Variants in NR6A1 observed in about 807,000 individuals in gnomAD.
NR6A1 encodes retinoic acid receptor-related testis-associated receptor.
A neutral mutation model predicts 59.1 loss-of-function variants in NR6A1; 7 were observed. The observed-to-expected ratio is 0.12, with a 90% CI of 0.07 to 0.22. The LOEUF is 0.22. Ranked by LOEUF, NR6A1 falls within the 10% of genes least tolerant of loss-of-function variation. The pLI, the probability that NR6A1 is intolerant of heterozygous loss-of-function variation, is 1.00. For missense variants in NR6A1, 468 were observed against 611.6 expected, an observed-to-expected ratio of 0.77 and a Z score of 2.48; for synonymous variants, 243 against 236.1, an observed-to-expected ratio of 1.03 and a Z score of -0.27.
At chr9:124,703,973 T>TAA (rs1839044467) in intron 2 of NR6A1, among the ~76,000 whole-genome samples, 2 of 152,168 alleles carry the variant, frequency 1.3e-5, no homozygotes, top group South Asian at 4.1e-4. Flanking sequence ...ATGCTTCTTT[T>TAA]AAGTGTTTGA....
At chr9:124,566,660 T>C (rs1834249687) in intron 2 of NR6A1, among the ~76,000 whole-genome samples, 1 of 152,214 alleles carries the variant, frequency 6.6e-6, no homozygotes, top group Admixed American at 6.5e-5. Context: ...GCTGACCGAC[T>C]GGACCACAGA....
chr9:124,672,863 A>C (rs962118780), intron 2 of NR6A1, among the ~76,000 whole-genome samples: 1 of 152,130 alleles, frequency 6.6e-6, no homozygotes, highest in Non-Finnish European at 1.5e-5. Flanking sequence ...GGCAGACTTA[A>C]TGAATCTTAG....
At chr9:124,566,740 T>C (rs1056132487) in intron 2 of NR6A1, among the ~76,000 whole-genome samples, 1 of 152,106 alleles carries the variant, frequency 6.6e-6, no homozygotes, top group African/African-American at 2.4e-5. Context: ...CACGTGGCTG[T>C]GAGAAATGAG....
chr9:124,613,951 A>G (rs973678154), intron 2 of NR6A1, among the ~76,000 whole-genome samples: 8 of 152,236 alleles, frequency 5.3e-5, no homozygotes, highest in Non-Finnish European at 1.2e-4. Flanking sequence ...GACAAACCAT[A>G]TAAAACAATG....
chr9:124,770,141 G>C (rs1485363319), intron 1 of NR6A1: 1 of 152,294 alleles, frequency 6.6e-6, no homozygotes, highest in Non-Finnish European at 1.5e-5. Flanking sequence ...GGAGAACTGA[G>C]ACTAAGAGGT....
intron 2 of NR6A1, among the ~76,000 whole-genome samples, chr9:124,581,095 T>A (rs1313281527): frequency 1.3e-5 from 2 of 152,006 alleles, no homozygotes; most frequent in East Asian, 3.9e-4. Flanking sequence ...CCTTATACCA[T>A]ATACAAAAAT....
rs1180315696 is a variant in NR6A1, at chr9:124,715,097, C to G, written c.142+18211G>C. On this transcript the variant is annotated intron_variant, in intron 2 of 9. Transcript: ENST00000487099. ...CCTGTAGTCCCAGCTACTCGGGAGG[C>G]TGAGGCAGGAGAATCGCTTGAACCC... is the stretch of plus-strand genomic sequence containing the variant. Among the ~76,000 whole-genome samples, 5 of 152,000 alleles carry G rather than the reference C, an allele frequency of 3.3e-5. No individual in the cohort carries two copies. In the East Asian group the frequency reaches 5.8e-4, roughly 18 times the overall value.
rs764847595 is a variant in NR6A1 at position 124,536,128 on chromosome 9, C to A, written c.829G>T (p.Ala277Ser). The A allele has an allele frequency of 1.2e-6, 2 of 1,611,768 alleles. No individual in the cohort carries two copies. Among genetic ancestry groups the A allele is most frequent in the Admixed American group, 1.7e-5 (1 of 59,968 alleles). The stretch of plus-strand genomic sequence containing the variant: ...GCAAATAGTTCTGCCTGTGTCACAG[C>A]GTATCTGAGGGGCAGGGACAGGGGA... Reference protein sequence around the residue: ...GTPMLIEDGYAVTQAELFALL... With the variant: ...GTPMLIEDGYSVTQAELFALL... Residue 277 changes from alanine to serine, a missense_variant, in exon 7 of 10, where the codon GCT (alanine) becomes TCT (serine). Ala to Ser is a moderately conservative substitution (Grantham distance 99, BLOSUM62 1). Around this residue, in one of 4 missense-constraint regions of NR6A1, gnomAD observed 176 missense variants for 264.0 expected, o/e 0.67. Transcript: ENST00000487099.
At chr9:124,680,078 C>CTGTG (rs1042353825) in intron 2 of NR6A1, among the ~76,000 whole-genome samples, 1 of 144,040 alleles carries the variant, frequency 6.9e-6, no homozygotes, top group South Asian at 2.2e-4. Flanking sequence ...GTTTATGTGT[C>CTGTG]TGTGTGTATG....
At chr9:124,598,693 A>AAAT in intron 2 of NR6A1, 1 of 659,332 alleles carries the variant, frequency 1.5e-6, no homozygotes, top group Non-Finnish European at 2.4e-6. Flanking sequence ...GAGAGGAAAA[A>AAAT]AATAAGACGA....
chr9:124,658,808 G>C (rs995093529), intron 2 of NR6A1: 1 of 151,874 alleles, frequency 6.6e-6, no homozygotes, highest in African/African-American at 2.4e-5. Context: ...TGAGGGGCTT[G>C]ACTAAAATCT....
chr9:124,612,178 A>T (rs903671210), intron 2 of NR6A1, among the ~76,000 whole-genome samples: 3 of 152,228 alleles, frequency 2.0e-5, no homozygotes, highest in African/African-American at 7.2e-5. Context: ...CAAGGAATTT[A>T]AAGCAGATGT....
chr9:124,559,230 G>T (rs567585311), intron 2 of NR6A1, among the ~76,000 whole-genome samples: 22 of 152,260 alleles, frequency 1.4e-4, no homozygotes, highest in African/African-American at 4.8e-4. Flanking sequence ...CCTGAGGCAT[G>T]AATTCCCTCC....
intron 2 of NR6A1, among the ~76,000 whole-genome samples, chr9:124,587,662 T>C (rs1834974185): frequency 2.0e-5 from 3 of 152,272 alleles, no homozygotes; most frequent in African/African-American, 2.4e-5. Context: ...ATTCCCATTC[T>C]TATTTGCCCA....
At chr9:124,761,670 A>C (rs1448178557) in intron 1 of NR6A1, among the ~76,000 whole-genome samples, 2 of 152,240 alleles carry the variant, frequency 1.3e-5, no homozygotes, top group Non-Finnish European at 2.9e-5. Flanking sequence ...AGTGAAGCCA[A>C]ACATGTCTAA....
At chr9:124,700,604 GAATA>G (rs1320965628) in intron 2 of NR6A1, among the ~76,000 whole-genome samples, 1 of 151,582 alleles carries the variant, frequency 6.6e-6, no homozygotes, top group Non-Finnish European at 1.5e-5. Context: ...TTTTATTGTT[GAATA>G]AATAAATATT....
chr9:124,631,729 T>G (rs545244233), intron 2 of NR6A1, among the ~76,000 whole-genome samples: 1 of 152,326 alleles, frequency 6.6e-6, no homozygotes, highest in South Asian at 2.1e-4. Flanking sequence ...TAAACATGTC[T>G]CATGGAAGTT....
chr9:124,540,261 T>A, intron 4 of NR6A1, 74 bp from the exon 5 acceptor site: 1 of 1,463,994 alleles, frequency 6.8e-7, no homozygotes, highest in Non-Finnish European at 9.2e-7. Context: ...GAGAGCTTAT[T>A]TAAATCTCAT....
At chr9:124,764,244 T>G (rs1840866277) in intron 1 of NR6A1, among the ~76,000 whole-genome samples, 1 of 152,014 alleles carries the variant, frequency 6.6e-6, no homozygotes, top group Non-Finnish European at 1.5e-5. Flanking sequence ...ACTGATTCAG[T>G]CTATGCTTCA....
Sources: gnomAD v4.1 joint callset for allele counts (sites outside exome capture counted in the v4.1 genomes callset) on GRCh38, gnomAD v4.1.1 for gene constraint, gnomAD v4.1.1 regional missense constraint, MANE v1.5 for transcripts, NCBI Gene and HGNC (gene_info 2026-07-23, HGNC 2026-07-21) for gene names.